The following NCAM2 variants were observed in gnomAD, a reference collection of about 807,000 sequenced individuals.
The protein encoded by NCAM2 is N-CAM-2.
A neutral mutation model predicts 98.1 loss-of-function variants in NCAM2; 30 were observed. That is an observed-to-expected ratio of 0.31 (90% CI 0.23 to 0.41). The LOEUF (loss-of-function observed/expected upper bound fraction) is 0.41, where lower values mean the gene tolerates loss of function less well. Ranked by LOEUF, NCAM2 falls within the 10% of genes least tolerant of loss-of-function variation. The pLI is 1.00. For synonymous variants in NCAM2, 368 were observed against 342.4 expected (o/e 1.07, Z -0.83); for missense variants, 867 against 1,005.8 (o/e 0.86, Z 1.87).
rs143266573 is a variant in NCAM2 at position 21,247,759 on chromosome 21, T to G, written c.56-32819T>G. Among the ~76,000 whole-genome samples, 271 of 152,332 alleles carry G rather than the reference T, an allele frequency of 1.8e-3. 2 individuals carry two copies. Among genetic ancestry groups the G allele is most frequent in the African/African-American group, 5.9e-3 (247 of 41,590 alleles). ...TTATTTTTATTGTCCAGTACATACT[T>G]TTTATGATTTTATCATAATAGGAAT... On this transcript the variant is annotated intron_variant, in intron 1 of 17. Coordinates refer to ENST00000400546, the MANE Select transcript of NCAM2 (RefSeq NM_004540.5).
intron 12 of NCAM2, among the ~76,000 whole-genome samples, chr21:21,464,503 G>A (rs183804016): frequency 1.3e-5 from 2 of 152,166 alleles, no homozygotes; most frequent in African/African-American, 2.4e-5. Context: ...ACCAGCCTGA[G>A]CAACATAGTG....
chr21:21,121,787 G>A (rs778518847), intron 1 of NCAM2, among the ~76,000 whole-genome samples: 22 of 152,208 alleles, frequency 1.4e-4, no homozygotes, highest in African/African-American at 4.8e-5. Context: ...GAATCATGCC[G>A]TTGAAGTGGC....
intron 16 of NCAM2, among the ~76,000 whole-genome samples, chr21:21,526,698 G>A (rs1183517542): frequency 6.6e-6 from 1 of 152,060 alleles, no homozygotes; most frequent in Non-Finnish European, 1.5e-5. Flanking sequence ...AAATGTGTAG[G>A]ATTGACACTA....
intron 1 of NCAM2, among the ~76,000 whole-genome samples, chr21:21,106,314 C>CAA (rs202018731): frequency 6.8e-5 from 7 of 103,490 alleles, no homozygotes; most frequent in African/African-American, 2.7e-4. Context: ...GTCTCAAAAG[C>CAA]AAAAAAAAAA....
At chr21:21,200,409 G>GCAA (rs2069168408) in intron 1 of NCAM2, among the ~76,000 whole-genome samples, 1 of 134,868 alleles carries the variant, frequency 7.4e-6, no homozygotes, top group Non-Finnish European at 1.5e-5. Context: ...CCCCATGCCT[G>GCAA]AAAAAAAAAA....
At chr21:21,075,459 T>G (rs376931200) in intron 1 of NCAM2, among the ~76,000 whole-genome samples, 1 of 152,192 alleles carries the variant, frequency 6.6e-6, no homozygotes, top group Non-Finnish European at 1.5e-5. Flanking sequence ...TTTTTTAGTA[T>G]GTATGTTTTT....
intron 16 of NCAM2, among the ~76,000 whole-genome samples, chr21:21,511,335 G>A (rs752030072): frequency 6.6e-4 from 101 of 152,000 alleles, no homozygotes; most frequent in Middle Eastern, 6.8e-3. Flanking sequence ...TTCTCCATGA[G>A]TTTAAGTTGT....
chr21:21,343,395 A>ACACACACACACACACACAC (rs1568957074), intron 8 of NCAM2, among the ~76,000 whole-genome samples: 3 of 145,888 alleles, frequency 2.1e-5, no homozygotes, highest in Non-Finnish European at 3.0e-5. Flanking sequence ...ACACACACAC[A>ACACACACACACACACACAC]ATCTTCATGA....
At chr21:21,480,366 CAAAAAA>C (rs59203448) in intron 15 of NCAM2, among the ~76,000 whole-genome samples, 3 of 69,976 alleles carry the variant, frequency 4.3e-5, no homozygotes, top group Admixed American at 1.7e-4. Flanking sequence ...GACTCCATCT[CAAAAAA>C]AAAAAAAAAA....
At chr21:21,140,959 TG>T (rs1475662145) in intron 1 of NCAM2, among the ~76,000 whole-genome samples, 1 of 152,144 alleles carries the variant, frequency 6.6e-6, no homozygotes, top group South Asian at 2.1e-4. Flanking sequence ...TGATTTAACA[TG>T]TACCCTGCTG....
intron 16 of NCAM2, among the ~76,000 whole-genome samples, chr21:21,522,700 G>A (rs1333559790): frequency 1.5e-5 from 2 of 134,398 alleles, no homozygotes; most frequent in South Asian, 2.4e-4. Flanking sequence ...GTGTGATCTC[G>A]GCCCACTTTG....
chr21:20,999,318 G>A (rs2063976523), intron 1 of NCAM2, among the ~76,000 whole-genome samples: 1 of 151,844 alleles, frequency 6.6e-6, no homozygotes, highest in African/African-American at 2.4e-5. Flanking sequence ...GGATTTTTGG[G>A]GTTGTGGGAG....
At chr21:21,224,406 A>G (rs1029052662) in intron 1 of NCAM2, among the ~76,000 whole-genome samples, 1 of 152,202 alleles carries the variant, frequency 6.6e-6, no homozygotes, top group African/African-American at 2.4e-5. Flanking sequence ...AAATACGTAG[A>G]TACTATTCTT....
intron 1 of NCAM2, among the ~76,000 whole-genome samples, chr21:21,052,676 TC>T: frequency 6.6e-6 from 1 of 152,142 alleles, no homozygotes; most frequent in Non-Finnish European, 1.5e-5. Flanking sequence ...CAAATAGACC[TC>T]TGGTGGCCTG....
intron 1 of NCAM2, chr21:21,226,880 T>A (rs1487538347): frequency 6.6e-6 from 1 of 152,150 alleles, no homozygotes; most frequent in East Asian, 1.9e-4. Flanking sequence ...TTAATACATT[T>A]GACCACCTTC....
At chr21:21,181,130 G>A (rs2068454833) in intron 1 of NCAM2, among the ~76,000 whole-genome samples, 1 of 152,154 alleles carries the variant, frequency 6.6e-6, no homozygotes. Flanking sequence ...TTTTAAAAAT[G>A]TAAGCACAGT....
intron 1 of NCAM2, among the ~76,000 whole-genome samples, chr21:21,272,934 TCA>T (rs61235726): frequency 0.11 from 14,332 of 124,784 alleles, 930 homozygotes; most frequent in Middle Eastern, 0.22. Context: ...GGACATGCAT[TCA>T]CACACACACA....
chr21:21,456,335 C>A (rs555029925), intron 12 of NCAM2, among the ~76,000 whole-genome samples: 1 of 152,214 alleles, frequency 6.6e-6, no homozygotes, highest in African/African-American at 2.4e-5. Flanking sequence ...ACCAGAGAAT[C>A]TGATTGACTT....
intron 14 of NCAM2, among the ~76,000 whole-genome samples, chr21:21,470,032 G>A (rs1339836257): frequency 6.6e-6 from 1 of 152,006 alleles, no homozygotes; most frequent in East Asian, 1.9e-4. Flanking sequence ...AATACTGGGG[G>A]ATAGTAACAG....
Sources: gnomAD v4.1 joint callset for allele counts (sites outside exome capture counted in the v4.1 genomes callset) on GRCh38, gnomAD v4.1.1 for gene constraint, MANE v1.5 for transcripts, NCBI Gene and HGNC (gene_info 2026-07-23, HGNC 2026-07-21) for gene names.